The following ZNF780A variants were observed in gnomAD, a reference collection of about 807,000 sequenced individuals.
ZNF780A encodes the protein zinc finger protein 780A.
ZNF780A carries 40 observed loss-of-function variants against 56.7 expected under a neutral mutation model. That is an observed-to-expected ratio of 0.71 (90% CI 0.55 to 0.92). The LOEUF (loss-of-function observed/expected upper bound fraction) is 0.92, where lower values mean the gene tolerates loss of function less well. ZNF780A is among the 40% of genes least tolerant of loss of function. ZNF780A has a pLI of 0.00. For missense variants in ZNF780A, 672 were observed against 783.3 expected (o/e 0.86, Z 1.70); for synonymous variants, 231 against 248.3 (o/e 0.93, Z 0.66).
At chr19:40,084,592 CTTT>C (rs745698370) in intron 3 of ZNF780A, among the ~76,000 whole-genome samples, 150 bp downstream of exon 3, 1 of 144,518 alleles carries the variant, frequency 6.9e-6, no homozygotes, top group Non-Finnish European at 1.5e-5. Context: ...AGAGCAGTGA[CTTT>C]TTTTTTTTTT....
At chr19:40,070,289 C>T (rs1973775467), downstream of ZNF780A, 2 of 152,004 alleles carry the variant, frequency 1.3e-5, no homozygotes, top group South Asian at 4.2e-4. Flanking sequence ...TTAAATGTAT[C>T]CAAAAAAACC....
intron 2 of ZNF780A, among the ~76,000 whole-genome samples, chr19:40,086,295 T>G (rs1343664928): frequency 6.6e-6 from 1 of 152,112 alleles, no homozygotes; most frequent in Non-Finnish European, 1.5e-5. Flanking sequence ...ATGTCTTGTA[T>G]GCATTAATGA....
At chr19:40,070,046 CA>C (rs1392417528), downstream of ZNF780A, 1 of 151,992 alleles carries the variant, frequency 6.6e-6, no homozygotes, top group African/African-American at 2.4e-5. Context: ...ATGAAATATT[CA>C]ATACATTTCA....
At chr19:40,079,411 C>T (rs1410908374) in intron 5 of ZNF780A, among the ~76,000 whole-genome samples, 1 of 152,020 alleles carries the variant, frequency 6.6e-6, no homozygotes, top group Non-Finnish European at 1.5e-5. Context: ...ATTTCAACAC[C>T]CCACTCTGAA....
chr19:40,089,617 T>TACACACACACACACAC (rs5828058), intron 2 of ZNF780A, among the ~76,000 whole-genome samples: 2 of 147,914 alleles, frequency 1.4e-5, no homozygotes, highest in Admixed American at 6.8e-5. Flanking sequence ...CCTCTCACAG[T>TACACACACACACACAC]ACACACACAC....
chr19:40,081,691 AT>A, intron 5 of ZNF780A, 127 bp downstream of exon 5: 4 of 728,314 alleles, frequency 5.5e-6, no homozygotes, highest in Non-Finnish European at 9.3e-6. Context: ...GGTCTTGGGC[AT>A]TTTTATCCAA....
At chr19:40,087,627 C>T (rs1302114542) in intron 2 of ZNF780A, among the ~76,000 whole-genome samples, 1 of 151,842 alleles carries the variant, frequency 6.6e-6, no homozygotes, top group Non-Finnish European at 1.5e-5. Context: ...TTCTGTCCTA[C>T]ATTCCTTACA....
chr19:40,084,710 CAT>C, intron 3 of ZNF780A, 33 bp downstream of exon 3: 2 of 1,544,274 alleles, frequency 1.3e-6, no homozygotes, highest in Non-Finnish European at 1.8e-6. Flanking sequence ...TGAAAGTCAC[CAT>C]ATTTCAAGGA....
In ZNF780A at chr19:40,074,632, G is replaced by A. The variant is rs1973976712; in HGVS notation, c.1810C>T (p.Gln604Ter). The A allele has an allele frequency of 6.2e-7, 1 of 1,613,118 alleles. No individual in the cohort carries two copies. The highest frequency in any genetic ancestry group is 8.5e-7 in the Non-Finnish European group (1 of 1,179,570). ...GGTTTCTCACCAGTATGCAATTTCT[G>A]ATGTCGAATAAGTTGCATATGAAGT... ...FRLHMQLIRH[Q>*]KLHTGEKPFE... The change falls in exon 6 of 6, where the codon CAG (glutamine) becomes TAG (stop). Residue 604 changes from glutamine (Q) to a stop codon, truncating the protein, a stop_gained. Coordinates refer to ENST00000683561, the MANE Select transcript of ZNF780A (RefSeq NM_001142578.2). LOFTEE classifies it high-confidence loss of function.
rs1329790524 is a variant in ZNF780A at position 40,073,859 on chromosome 19, A to T, written c.*657T>A. 1 of 995,278 alleles carries T rather than the reference A, an allele frequency of 1.0e-6. No individual in the cohort carries two copies. The highest frequency in any genetic ancestry group is 1.7e-5 in the African/African-American group (1 of 57,340). 61.7% of individuals were successfully genotyped at this position (995,278 alleles called of 1,614,324 possible). On this transcript the variant is annotated 3_prime_UTR_variant, in exon 6 of 6. Coordinates refer to ENST00000683561, the MANE Select transcript of ZNF780A (RefSeq NM_001142578.2). ...CACTCCTTATTGTCACAAAATTTCT[A>T]ACTATTCTGAATTTTCTGATGTTGA...
In ZNF780A at chr19:40,074,827, G is replaced by A. The variant is rs375366451; in HGVS notation, c.1615C>T (p.Arg539Cys). ...TGTTGATTAAGATTTGAACCACGAC[G>A]AAAGAATTTCCCACATTCCTTACAT... ...FECKECGKFF[R>C]RGSNLNQHRS... Residue 539 changes from arginine to cysteine, a missense_variant, in exon 6 of 6, where the codon CGT becomes TGT. By Grantham distance (180) the Arg-to-Cys change is radical. Coordinates refer to ENST00000683561, the MANE Select transcript of ZNF780A (RefSeq NM_001142578.2). 28 of 1,613,746 alleles carry A rather than the reference G, an allele frequency of 1.7e-5. No homozygotes were observed. The highest frequency in any genetic ancestry group is 8.3e-5 in the Admixed American group (5 of 59,992).
At chr19:40,081,111 G>A (rs539450526) in intron 5 of ZNF780A, among the ~76,000 whole-genome samples, 1 of 151,954 alleles carries the variant, frequency 6.6e-6, no homozygotes, top group South Asian at 2.1e-4. Context: ...TAAACTAAAC[G>A]CTTCTGCAGA....
At position 40,075,011 on chromosome 19, in the gene ZNF780A, G is replaced by T; in HGVS notation, c.1431C>A (p.Asp477Glu). The T allele has an allele frequency of 6.2e-7, 1 of 1,613,386 alleles. No individual in the cohort carries two copies. Among genetic ancestry groups the T allele is most frequent in the Non-Finnish European group, 8.5e-7 (1 of 1,179,824 alleles). Residue 477 changes from aspartate to glutamate, a missense_variant, in exon 6 of 6, where the codon GAC (aspartate) becomes GAA (glutamate). By Grantham distance (45) the Asp-to-Glu change is conservative (BLOSUM62 2). Transcript: ENST00000683561. The stretch of plus-strand genomic sequence containing the variant: ...AGCCACGATTGAAGGCCTTCCCACA[G>T]TCTTGACATTCAAATGGCTTGTCAC... ...HTGDKPFECQ[D>E]CGKAFNRGSS...
In ZNF780A at chr19:40,083,667, GA is replaced by G. The variant is rs571135549; in HGVS notation, c.10-431del. On this transcript the variant is annotated intron_variant, in intron 3 of 5. Coordinates refer to ENST00000683561, the MANE Select transcript of ZNF780A (RefSeq NM_001142578.2). ...CCACAGAGCAAGACTCTGTCTCAGA[GA>G]AAAAAAAAAAAAAAAAAAAAGGTGG... 4.0e-3 allele frequency among the ~76,000 whole-genome samples: 177 copies of G among 44,670 alleles called. No individual in the cohort carries two copies. The East Asian group carries it at 0.044, about 11-fold the overall frequency. 29.3% of individuals were successfully genotyped at this position (44,670 alleles called of 152,430 possible). A position where few individuals can be genotyped will look rare whatever the true frequency, so the allele number is the denominator to read the frequency against.
chr19:40,082,612 C>G (rs965254807), intron 4 of ZNF780A, among the ~76,000 whole-genome samples: 2 of 152,110 alleles, frequency 1.3e-5, no homozygotes, highest in African/African-American at 4.8e-5. Context: ...GGTTTTGAGA[C>G]AGGGTCTCGG....
chr19:40,076,048 C>A lies in ZNF780A; in HGVS notation c.394G>T (p.Gly132Ter). The A allele has an allele frequency of 6.2e-7, 1 of 1,613,764 alleles. No homozygotes were observed. The highest frequency in any genetic ancestry group is 8.5e-7 in the Non-Finnish European group (1 of 1,179,930). The change falls in exon 6 of 6, where the codon GGA becomes TGA. Residue 132 changes from glycine to a stop codon, truncating the protein, a stop_gained. Transcript: ENST00000683561. LOFTEE classifies it high-confidence loss of function. ...SEYRQFEGLQ[G>*]YQEGNINQKM... is the part of the protein sequence containing the mutation. The stretch of plus-strand genomic sequence containing the variant: ...TGATTGATATTTCCTTCTTGATATC[C>A]CTGTAGTCCCTCAAATTGTCTATAT...
chr19:40,084,829 A>G, intron 2 of ZNF780A, 31 bp from the exon 3 acceptor site: 1 of 1,547,792 alleles, frequency 6.5e-7, no homozygotes, highest in South Asian at 1.2e-5. Context: ...AAAGGCCACA[A>G]TTAAAGCTGT....
chr19:40,085,531 T>C (rs113778877), intron 2 of ZNF780A, among the ~76,000 whole-genome samples: 135 of 152,294 alleles, frequency 8.9e-4, no homozygotes, highest in African/African-American at 3.1e-3. Context: ...GAAAATTATA[T>C]ACATGTTAAG....
intron 4 of ZNF780A, among the ~76,000 whole-genome samples, 183 bp downstream of exon 4, chr19:40,082,928 T>C (rs1974561942): frequency 1.3e-5 from 2 of 151,904 alleles, no homozygotes; most frequent in South Asian, 2.1e-4. Flanking sequence ...CATTGTGGAG[T>C]AGGCAAGATG....
Sources: gnomAD v4.1 joint callset for allele counts (sites outside exome capture counted in the v4.1 genomes callset) on GRCh38, gnomAD v4.1.1 for gene constraint, MANE v1.5 for transcripts, NCBI Gene and HGNC (gene_info 2026-07-23, HGNC 2026-07-21) for gene names.